UTP20: variants seen among roughly 807,000 people sequenced by gnomAD.
The protein encoded by UTP20 is UTP20 small subunit processome component.
A neutral mutation model predicts 329.5 loss-of-function variants in UTP20; 164 were observed. The observed-to-expected ratio is 0.50, with a 90% CI of 0.44 to 0.57. The LOEUF (loss-of-function observed/expected upper bound fraction) is 0.57. Among genes scored for constraint, UTP20 ranks in the 20% least tolerant of loss-of-function variants. The probability of loss-of-function intolerance (pLI) is 0.00; values close to 1 mark genes in which losing one functional copy is unlikely to be tolerated. For synonymous variants in UTP20, 1,151 were observed against 1,159.3 expected, an observed-to-expected ratio of 0.99 and a Z score of 0.14; for missense variants, 3,055 against 3,284.2, an observed-to-expected ratio of 0.93 and a Z score of 1.71.
At chr12:101,322,313 A>G (rs1033180031) in intron 25 of UTP20, among the ~76,000 whole-genome samples, 1 of 152,140 alleles carries the variant, frequency 6.6e-6, no homozygotes, top group Non-Finnish European at 1.5e-5. Context: ...AGATCTTACC[A>G]TAGTATTATT....
intron 2 of UTP20, among the ~76,000 whole-genome samples, chr12:101,282,437 A>G (rs577774101): frequency 6.6e-6 from 1 of 151,054 alleles, no homozygotes; most frequent in South Asian, 2.1e-4. Flanking sequence ...AAAGCAGTCC[A>G]GTGTGGTTAT....
chr12:101,374,021 G>A (rs1239820078), intron 54 of UTP20, among the ~76,000 whole-genome samples: 1 of 151,964 alleles, frequency 6.6e-6, no homozygotes, highest in Non-Finnish European at 1.5e-5. Context: ...GGATCACGAG[G>A]TCAGGAGATC....
intron 58 of UTP20, 113 bp from the exon 59 acceptor site, chr12:101,382,928 G>C: frequency 3.1e-6 from 4 of 1,305,814 alleles, no homozygotes; most frequent in Non-Finnish European, 4.1e-6. Flanking sequence ...GTAATACCTA[G>C]TTTGTTTTTG....
chr12:101,308,994 A>G (rs1302755143), intron 18 of UTP20, among the ~76,000 whole-genome samples: 1 of 151,836 alleles, frequency 6.6e-6, no homozygotes, highest in African/African-American at 2.4e-5. Context: ...CGGCGTCCCA[A>G]AGTGCTGGGA....
intron 2 of UTP20, among the ~76,000 whole-genome samples, chr12:101,283,415 T>G (rs1343885989): frequency 6.6e-6 from 1 of 152,206 alleles, no homozygotes; most frequent in Non-Finnish European, 1.5e-5. Flanking sequence ...TCATAAAGTT[T>G]TGCTTTGGTC....
In UTP20 at chr12:101,366,668, A is replaced by G. The variant is rs1209327683; in HGVS notation, c.6236A>G (p.Asn2079Ser). Residue 2079 changes from asparagine (N) to serine (S), a missense_variant, in exon 47 of 62, where the codon AAC becomes AGC. Coordinates refer to ENST00000261637, the MANE Select transcript of UTP20 (RefSeq NM_014503.3). Reference protein sequence around the residue: ...GQKAVVSRKTNMHIFIESGLR... With the variant: ...GQKAVVSRKTSMHIFIESGLR... The stretch of plus-strand genomic sequence containing the variant: ...AAAGCTGTTGTGAGCAGGAAAACCA[A>G]CATGCACATATTTATTGAGTCCGGG... 3.1e-6 allele frequency: 5 copies of G among 1,614,158 alleles called. No homozygotes were observed. In the South Asian group the frequency reaches 5.5e-5, roughly 18 times the overall value.
chr12:101,327,051 C>T, intron 25 of UTP20, 30 bp from the exon 26 acceptor site: 2 of 1,563,796 alleles, frequency 1.3e-6, no homozygotes, highest in East Asian at 2.3e-5. Context: ...AATTAATGTG[C>T]AAACAAATAA....
In UTP20 at chr12:101,354,989, C is replaced by T. The variant is rs372995650; in HGVS notation, c.5265C>T (p.Ser1755=). ...ADSGGTSAKE[S]ECITKPVSFL... ...CTGGAGGAACATCAGCTAAAGAATC[C>T]GAGTGTATCACAAAGCCTGTCTCTT... Residue 1755 remains serine (S), a synonymous_variant, in exon 41 of 62, where the codon TCC becomes TCT. Transcript: ENST00000261637. The T allele has an allele frequency of 3.4e-5, 55 of 1,613,962 alleles. No homozygotes were observed. The highest frequency in any genetic ancestry group is 1.7e-4 in the African/African-American group (13 of 74,882).
At chr12:101,375,018 A>C in intron 55 of UTP20, 79 bp downstream of exon 55, 1 of 966,262 alleles carries the variant, frequency 1.0e-6, no homozygotes, top group Non-Finnish European at 1.6e-6. Flanking sequence ...ATTAGATATC[A>C]GCTTATAGGT....
intron 38 of UTP20, among the ~76,000 whole-genome samples, chr12:101,349,847 C>G (rs1869458161): frequency 6.6e-6 from 1 of 152,036 alleles, no homozygotes; most frequent in African/African-American, 2.4e-5. Context: ...TGTTCCATAA[C>G]TCAGAGACTT....
intron 11 of UTP20, 22 bp from the exon 12 acceptor site, chr12:101,295,457 GA>G (rs925059388): frequency 9.2e-6 from 14 of 1,526,206 alleles, no homozygotes; most frequent in African/African-American, 2.8e-5. Flanking sequence ...TAATAAGTGT[GA>G]TTTTTTTTTT....
intron 25 of UTP20, among the ~76,000 whole-genome samples, chr12:101,326,328 T>A (rs1462046962): frequency 6.6e-6 from 1 of 152,174 alleles, no homozygotes; most frequent in African/African-American, 2.4e-5. Context: ...CCCTTCTCAA[T>A]ATCACAATTA....
chr12:101,289,952 T>G, intron 6 of UTP20, 185 bp from the exon 7 acceptor site: 1 of 382,156 alleles, frequency 2.6e-6, no homozygotes. Flanking sequence ...TTCACTCTTT[T>G]GTGTGACATT....
Position 101,324,092 on chromosome 12 carries a change from G to A in UTP20, c.3041+2463G>A, listed in dbSNP as rs180907379. ...GTGGAGGTTGCAGTGAGCTGAGATC[G>A]CGCCACTGTACTCCAGCCTGGATGA... On this transcript the variant is annotated intron_variant, in intron 25 of 61. Transcript: ENST00000261637. 2.7e-3 allele frequency among the ~76,000 whole-genome samples: 403 copies of A among 151,846 alleles called. 7 individuals carry two copies. Among genetic ancestry groups the A allele is most frequent in the Admixed American group, 0.017 (261 of 15,260 alleles).
intron 45 of UTP20, 105 bp from the exon 46 acceptor site, chr12:101,365,354 C>G: frequency 2.6e-6 from 2 of 773,914 alleles, no homozygotes. Context: ...TAGGAGAAAG[C>G]CAAACGTATA....
chr12:101,371,784 G>A (rs1455980847), intron 51 of UTP20, among the ~76,000 whole-genome samples: 2 of 152,048 alleles, frequency 1.3e-5, no homozygotes, highest in Non-Finnish European at 2.9e-5. Flanking sequence ...CACCCACCTT[G>A]GCCTCCCAAA....
chr12:101,377,424 G>A (rs1325681786), intron 56 of UTP20, among the ~76,000 whole-genome samples: 5 of 151,972 alleles, frequency 3.3e-5, no homozygotes, highest in Admixed American at 6.6e-5. Flanking sequence ...TTTGCCTCCC[G>A]GGTTCAAGTG....
In UTP20 at chr12:101,280,245, C is replaced by T. The variant is rs1012220898; in HGVS notation, c.-38C>T. The T allele has an allele frequency of 6.4e-7, 1 of 1,551,586 alleles. No individual in the cohort carries two copies. The stretch of plus-strand genomic sequence containing the variant: ...TACTGTCGGTTGCATCCCTTCGACA[C>T]TCCCGAGGCCGTCGCGGGCCACTGG... On this transcript the variant is annotated 5_prime_UTR_variant, in exon 1 of 62. Transcript: ENST00000261637.
chr12:101,347,808 T>C (rs1363772199), intron 38 of UTP20, among the ~76,000 whole-genome samples: 1 of 152,196 alleles, frequency 6.6e-6, no homozygotes, highest in Non-Finnish European at 1.5e-5. Context: ...TAAAGTATAC[T>C]TAGCTTTGGT....
Sources: allele counts gnomAD v4.1 joint callset (sites outside exome capture counted in the v4.1 genomes callset), GRCh38; gene constraint gnomAD v4.1.1; transcripts MANE v1.5; gene names NCBI Gene and HGNC (gene_info 2026-07-23, HGNC 2026-07-21).